CHRM3: variants seen among roughly 807,000 people sequenced by gnomAD.
CHRM3 encodes cholinergic receptor muscarinic 3, also known as muscarinic acetylcholine receptor M3.
A neutral mutation model predicts 41.8 loss-of-function variants in CHRM3; 11 were observed. The observed-to-expected ratio is 0.26, with a 90% confidence interval of 0.17 to 0.44. The LOEUF is 0.44. CHRM3 is among the 20% of genes least tolerant of loss of function. The pLI, the probability that CHRM3 is intolerant of heterozygous loss-of-function variation, is 1.00. For missense variants in CHRM3, 571 were observed against 745.4 expected (o/e 0.77, Z 2.72); for synonymous variants, 297 against 301.4 (o/e 0.99, Z 0.15).
rs368375152 is a variant in CHRM3 at position 239,605,875 on chromosome 1, A to G, written c.-312-26349A>G. The G allele has an allele frequency of 3.3e-5, 5 of 152,368 alleles. No individual in the cohort carries two copies. The East Asian group carries it at 9.6e-4, about 29-fold the overall frequency. 9.4% of individuals were successfully genotyped at this position (152,368 alleles called of 1,614,324 possible). A position where few individuals can be genotyped will look rare whatever the true frequency, so the allele number is the denominator to read the frequency against. ...TATATGCATATCAATGGTAATAAACATCATTCAAAGTCACTTTAGGTTCAG... is the reference window on the plus strand; with the variant it reads ...TATATGCATATCAATGGTAATAAACGTCATTCAAAGTCACTTTAGGTTCAG... On this transcript the variant is annotated intron_variant, in intron 3 of 6. Coordinates refer to ENST00000676153, the MANE Select transcript of CHRM3 (RefSeq NM_001375978.1).
intron 2 of CHRM3, among the ~76,000 whole-genome samples, chr1:239,505,631 A>G (rs778781567): frequency 2.0e-5 from 3 of 152,172 alleles, no homozygotes; most frequent in Admixed American, 6.5e-5. Flanking sequence ...GTCTTTATCA[A>G]CTGCATCAAA....
chr1:239,861,753 A>G (rs1675662343), intron 6 of CHRM3, among the ~76,000 whole-genome samples: 1 of 152,214 alleles, frequency 6.6e-6, no homozygotes. Context: ...TGATAAATTT[A>G]GATCAGTATC....
chr1:239,475,461 C>CT (rs1666406453), intron 1 of CHRM3, among the ~76,000 whole-genome samples: 2 of 151,992 alleles, frequency 1.3e-5, no homozygotes, highest in African/African-American at 4.8e-5. Flanking sequence ...AGAGAGGAGT[C>CT]TAAGAAATTA....
intron 3 of CHRM3, among the ~76,000 whole-genome samples, chr1:239,603,411 A>C (rs1052439829): frequency 3.3e-5 from 5 of 152,148 alleles, no homozygotes; most frequent in African/African-American, 1.2e-4. Context: ...AGTGATAGGC[A>C]AGGTCACGGA....
chr1:239,496,107 T>G (rs942418111), intron 2 of CHRM3, among the ~76,000 whole-genome samples: 2 of 152,150 alleles, frequency 1.3e-5, no homozygotes, highest in African/African-American at 2.4e-5. Context: ...TTACGACTCC[T>G]TATTGGCTGA....
chr1:239,418,042 A>G (rs914491253), intron 1 of CHRM3, among the ~76,000 whole-genome samples: 1 of 152,166 alleles, frequency 6.6e-6, no homozygotes, highest in African/African-American at 2.4e-5. Flanking sequence ...TGTTTCGTAA[A>G]TGTTTGCTAA....
intron 4 of CHRM3, among the ~76,000 whole-genome samples, chr1:239,637,284 A>G (rs1670559545): frequency 6.6e-6 from 1 of 152,114 alleles, no homozygotes; most frequent in African/African-American, 2.4e-5. Context: ...TTATGTTTAT[A>G]TGCGTAGAAA....
chr1:239,399,022 C>A (rs2102965071), intron 1 of CHRM3, among the ~76,000 whole-genome samples: 2 of 152,216 alleles, frequency 1.3e-5, no homozygotes. Context: ...TATGTTGGAA[C>A]CAAGGTCTCT....
intron 3 of CHRM3, among the ~76,000 whole-genome samples, chr1:239,566,231 T>C (rs903609476): frequency 6.6e-6 from 1 of 152,214 alleles, no homozygotes; most frequent in African/African-American, 2.4e-5. Context: ...TCCTTAATTT[T>C]GATTCAGCAG....
intron 6 of CHRM3, among the ~76,000 whole-genome samples, chr1:239,895,547 A>G (rs537082942): frequency 7.4e-6 from 1 of 135,696 alleles, no homozygotes; most frequent in East Asian, 2.1e-4. Context: ...CACAATAGCA[A>G]AGACATGGAA....
Position 239,394,424 on chromosome 1 carries a change from T to G in CHRM3, c.-521+7197T>G, listed in dbSNP as rs1659307646. 2.0e-5 allele frequency among the ~76,000 whole-genome samples: 3 copies of G among 152,314 alleles called. No individual in the cohort carries two copies. The South Asian group carries it at 6.2e-4, about 32-fold the overall frequency. ...CTTATAAGGATATGTGTGATTGCAG[T>G]GAAGTCCCAGCCAGAAAATCTAGGA... On this transcript the variant is annotated intron_variant, in intron 1 of 6. Coordinates refer to ENST00000676153, the MANE Select transcript of CHRM3 (RefSeq NM_001375978.1).
chr1:239,600,588 T>C (rs546485333), intron 3 of CHRM3, among the ~76,000 whole-genome samples: 10 of 152,226 alleles, frequency 6.6e-5, no homozygotes, highest in African/African-American at 2.2e-4. Flanking sequence ...GGCTACTTTA[T>C]TGAAGCTTGA....
chr1:239,641,899 G>C (rs1671197831), intron 4 of CHRM3, among the ~76,000 whole-genome samples: 1 of 127,824 alleles, frequency 7.8e-6, no homozygotes, highest in Non-Finnish European at 1.7e-5. Context: ...TGCAGTGGCT[G>C]GTACCGGTTG....
Position 239,494,260 on chromosome 1 carries a change from G to A in CHRM3, c.-422+1453G>A, listed in dbSNP as rs116184059. On this transcript the variant is annotated intron_variant, in intron 2 of 6. Transcript: ENST00000676153. ...TGTTTTATGCTAAAGAGCAATGAGA[G>A]CAGCTAGGGATGGCTTTCATTGCCG... is the stretch of plus-strand genomic sequence containing the variant. Among the ~76,000 whole-genome samples the A allele has an allele frequency of 9.4e-3, 1,427 of 152,200 alleles. 28 individuals carry two copies. The highest frequency in any genetic ancestry group is 0.033 in the African/African-American group (1,371 of 41,536).
intron 6 of CHRM3, among the ~76,000 whole-genome samples, chr1:239,864,843 A>T (rs775994926): frequency 2.6e-5 from 4 of 152,162 alleles, no homozygotes; most frequent in Admixed American, 6.5e-5. Flanking sequence ...AGTTAGGAGA[A>T]GACTAACAGG....
intron 1 of CHRM3, among the ~76,000 whole-genome samples, chr1:239,422,649 G>A (rs537844350): frequency 1.1e-4 from 17 of 152,034 alleles, no homozygotes; most frequent in African/African-American, 4.1e-4. Flanking sequence ...CAAAAAATTA[G>A]CCAGGCATGG....
rs571711392 is a variant in CHRM3 at position 239,454,006 on chromosome 1, C to T, written c.-520-38703C>T. 1.9e-4 allele frequency among the ~76,000 whole-genome samples: 29 copies of T among 152,206 alleles called. No individual in the cohort carries two copies. The South Asian group carries it at 2.5e-3, about 13-fold the overall frequency. ...GAAAAAATAAACTAACAGTTTTATCCTACTGTACCCTCAACACTCAACACT... is the reference window on the plus strand; with the variant it reads ...GAAAAAATAAACTAACAGTTTTATCTTACTGTACCCTCAACACTCAACACT... On this transcript the variant is annotated intron_variant, in intron 1 of 6. Coordinates refer to ENST00000676153, the MANE Select transcript of CHRM3 (RefSeq NM_001375978.1).
At chr1:239,547,468 C>CTG (rs1490000900) in intron 3 of CHRM3, among the ~76,000 whole-genome samples, 1 of 152,124 alleles carries the variant, frequency 6.6e-6, no homozygotes, top group Non-Finnish European at 1.5e-5. Flanking sequence ...TGGGATTATC[C>CTG]TGATGAGCAC....
intron 5 of CHRM3, among the ~76,000 whole-genome samples, chr1:239,795,450 G>T (rs1393211532): frequency 6.6e-6 from 1 of 152,146 alleles, no homozygotes; most frequent in East Asian, 1.9e-4. Flanking sequence ...TATGCCAGGG[G>T]TTAGCACCTC....
Sources: allele counts gnomAD v4.1 joint callset (sites outside exome capture counted in the v4.1 genomes callset), GRCh38; gene constraint gnomAD v4.1.1; transcripts MANE v1.5; gene names NCBI Gene and HGNC (gene_info 2026-07-23, HGNC 2026-07-21).